The following DYNC1I1 variants were observed in gnomAD, a reference collection of about 807,000 sequenced individuals.
The protein encoded by DYNC1I1 is dynein cytoplasmic 1 intermediate chain 1.
Under a neutral mutation model 86.6 loss-of-function variants are expected in DYNC1I1, and 43 were observed. The ratio of observed to expected loss-of-function variants is 0.50; its 90% CI spans 0.39 to 0.64. DYNC1I1 has a LOEUF of 0.64. DYNC1I1 is among the 30% of genes least tolerant of loss of function. DYNC1I1 has a pLI of 0.00. For missense variants in DYNC1I1, 604 were observed against 788.8 expected (o/e 0.77, Z 2.81); for synonymous variants, 262 against 283.7 (o/e 0.92, Z 0.77).
chr7:95,933,586 A>C (rs2116417747), intron 6 of DYNC1I1, among the ~76,000 whole-genome samples: 1 of 152,248 alleles, frequency 6.6e-6, no homozygotes, highest in South Asian at 2.1e-4. Context: ...TTTTGGCAAA[A>C]CCTATATTTT....
At chr7:95,916,084 TTC>T (rs1296228823) in intron 6 of DYNC1I1, among the ~76,000 whole-genome samples, 1 of 152,202 alleles carries the variant, frequency 6.6e-6, no homozygotes, top group Admixed American at 6.5e-5. Context: ...CACTATACCA[TTC>T]TGTCTGAACT....
chr7:96,071,134 T>C lies in DYNC1I1; in HGVS notation c.1510-4923T>C, dbSNP rs533947926. Reference sequence around the variant, plus strand: ...ATTATTACTTCCATAATTTTAACTTTTTCATTAAAAACCACCCTGGTGCAT... The same window carrying C: ...ATTATTACTTCCATAATTTTAACTTCTTCATTAAAAACCACCCTGGTGCAT... On this transcript the variant is annotated intron_variant, in intron 14 of 16. Coordinates refer to ENST00000447467, the MANE Select transcript of DYNC1I1 (RefSeq NM_001135556.2). Among the ~76,000 whole-genome samples the C allele has an allele frequency of 4.5e-4, 69 of 152,340 alleles. No individual in the cohort carries two copies. In the South Asian group the frequency reaches 0.011, roughly 24 times the overall value.
intron 2 of DYNC1I1, among the ~76,000 whole-genome samples, chr7:95,806,422 C>G (rs1005915180): frequency 2.0e-5 from 3 of 152,164 alleles, no homozygotes; most frequent in African/African-American, 7.2e-5. Flanking sequence ...ATTCTACAAC[C>G]AAGCACTTTT....
intron 4 of DYNC1I1, among the ~76,000 whole-genome samples, chr7:95,820,516 A>G (rs1294501901): frequency 6.6e-6 from 1 of 152,244 alleles, no homozygotes; most frequent in Non-Finnish European, 1.5e-5. Flanking sequence ...TGTTTGACAG[A>G]GAAGACATGT....
intron 14 of DYNC1I1, among the ~76,000 whole-genome samples, chr7:96,060,765 A>G (rs1789740179): frequency 6.6e-6 from 1 of 152,076 alleles, no homozygotes; most frequent in Admixed American, 6.6e-5. Flanking sequence ...TATACTTTCT[A>G]TTTAATTTTG....
intron 1 of DYNC1I1, chr7:95,804,385 G>T (rs1373414664): frequency 7.9e-7 from 1 of 1,273,622 alleles, no homozygotes; most frequent in Non-Finnish European, 1.0e-6. Context: ...GTTCTTTTTT[G>T]ATTCTCTTAT....
chr7:95,944,944 A>C (rs1056836215), intron 6 of DYNC1I1, among the ~76,000 whole-genome samples: 1 of 151,856 alleles, frequency 6.6e-6, no homozygotes, highest in Non-Finnish European at 1.5e-5. Flanking sequence ...TAATGGGTGC[A>C]GCACACCAGC....
At chr7:96,006,264 A>G (rs1450555491) in intron 10 of DYNC1I1, among the ~76,000 whole-genome samples, 1 of 152,194 alleles carries the variant, frequency 6.6e-6, no homozygotes, top group East Asian at 1.9e-4. Flanking sequence ...TGGCAGGGGA[A>G]GATGCGAGCA....
chr7:95,989,596 G>A (rs1020113442), intron 9 of DYNC1I1, among the ~76,000 whole-genome samples: 1 of 152,240 alleles, frequency 6.6e-6, no homozygotes, highest in Non-Finnish European at 1.5e-5. Flanking sequence ...ACGGGGTGGG[G>A]CTGGTCCCGC....
intron 3 of DYNC1I1, among the ~76,000 whole-genome samples, chr7:95,812,143 G>A (rs919273356): frequency 2.6e-5 from 4 of 152,084 alleles, no homozygotes; most frequent in Admixed American, 2.0e-4. Context: ...CTAGCTTCTC[G>A]ACAGATCTGC....
intron 16 of DYNC1I1, among the ~76,000 whole-genome samples, chr7:96,089,196 T>A (rs1466228597): frequency 7.7e-5 from 11 of 141,948 alleles, no homozygotes; most frequent in Non-Finnish European, 1.7e-4. Context: ...AAAAAAAAAA[T>A]TCAGATTGTC....
intron 5 of DYNC1I1, among the ~76,000 whole-genome samples, chr7:95,868,852 A>G (rs1584110048): frequency 6.6e-6 from 1 of 152,290 alleles, no homozygotes; most frequent in Middle Eastern, 3.4e-3. Flanking sequence ...CTTGTTCAAG[A>G]TGAGACACAC....
chr7:95,840,417 A>T (rs536601709), intron 5 of DYNC1I1, among the ~76,000 whole-genome samples: 2 of 151,910 alleles, frequency 1.3e-5, no homozygotes, highest in South Asian at 4.2e-4. Context: ...TATTATTTCT[A>T]TTTGGTATTT....
chr7:95,784,673 T>G (rs563549501), intron 1 of DYNC1I1, among the ~76,000 whole-genome samples: 1 of 152,186 alleles, frequency 6.6e-6, no homozygotes, highest in East Asian at 1.9e-4. Context: ...ATCCATGTAA[T>G]AGAGAACCTT....
chr7:95,955,377 C>T (rs1044838038), intron 6 of DYNC1I1, among the ~76,000 whole-genome samples: 4 of 151,926 alleles, frequency 2.6e-5, no homozygotes, highest in African/African-American at 7.3e-5. Context: ...TGCTGGAGTA[C>T]AAAAATGCAG....
At chr7:95,809,159 G>C (rs1227589567) in intron 2 of DYNC1I1, among the ~76,000 whole-genome samples, 1 of 152,074 alleles carries the variant, frequency 6.6e-6, no homozygotes, top group Non-Finnish European at 1.5e-5. Context: ...GAGTGATTTA[G>C]CTCAAAGTTA....
At chr7:95,894,117 C>T (rs1472138215) in intron 6 of DYNC1I1, among the ~76,000 whole-genome samples, 1 of 151,722 alleles carries the variant, frequency 6.6e-6, no homozygotes, top group African/African-American at 2.4e-5. Context: ...CCTCATCCAC[C>T]CATGCAAAGC....
intron 6 of DYNC1I1, among the ~76,000 whole-genome samples, chr7:95,971,339 A>C (rs1398377626): frequency 6.6e-6 from 1 of 152,226 alleles, no homozygotes; most frequent in Non-Finnish European, 1.5e-5. Flanking sequence ...TATATTTTTT[A>C]AAACTTTAAT....
intron 10 of DYNC1I1, among the ~76,000 whole-genome samples, chr7:96,007,522 T>A (rs192668056): frequency 6.6e-6 from 1 of 152,312 alleles, no homozygotes; most frequent in East Asian, 1.9e-4. Flanking sequence ...GTTGTATGTG[T>A]GACTAGTTCA....
Sources: gnomAD v4.1 joint callset for allele counts (sites outside exome capture counted in the v4.1 genomes callset) on GRCh38, gnomAD v4.1.1 for gene constraint, MANE v1.5 for transcripts, NCBI Gene and HGNC (gene_info 2026-07-23, HGNC 2026-07-21) for gene names.